Variants in TBCE observed in about 807,000 individuals in gnomAD.
The protein encoded by TBCE is tubulin folding cofactor E, also known as tubulin-specific chaperone E.
A neutral mutation model predicts 77.0 loss-of-function variants in TBCE; 53 were observed. That is an observed-to-expected ratio of 0.69 (90% confidence interval 0.55 to 0.87). TBCE has a LOEUF of 0.87. Ranked by LOEUF, TBCE falls within the 40% of genes least tolerant of loss-of-function variation. The pLI, the probability that TBCE is intolerant of heterozygous loss-of-function variation, is 0.00. For synonymous variants in TBCE, 235 were observed against 241.3 expected (o/e 0.97, Z 0.24); for missense variants, 624 against 622.4 (o/e 1.00, Z -0.03).
intron 15 of TBCE, among the ~76,000 whole-genome samples, chr1:235,444,470 C>T (rs1327481907): frequency 6.6e-6 from 1 of 152,156 alleles, no homozygotes; most frequent in Non-Finnish European, 1.5e-5. Flanking sequence ...CATCTCAGCT[C>T]ACTGCAGGCT....
At chr1:235,378,754 G>C (rs1178660082) in intron 1 of TBCE, among the ~76,000 whole-genome samples, 1 of 152,146 alleles carries the variant, frequency 6.6e-6, no homozygotes, top group African/African-American at 2.4e-5. Flanking sequence ...CCAGTTACTA[G>C]GGAGGCTGTG....
At position 235,438,275 on chromosome 1, in the gene TBCE, C is replaced by T. The variant is rs1253958367; in HGVS notation, c.1117-494C>T. ...ATGAATTAAAAGTGTAGGCCAGGCACGGTGGCTGACACCTGTAATCCCAGC... is the reference window on the plus strand; with the variant it reads ...ATGAATTAAAAGTGTAGGCCAGGCATGGTGGCTGACACCTGTAATCCCAGC... On this transcript the variant is annotated intron_variant, in intron 12 of 16. Coordinates refer to ENST00000642610, the MANE Select transcript of TBCE (RefSeq NM_003193.5). 6.6e-5 allele frequency among the ~76,000 whole-genome samples: 10 copies of T among 152,330 alleles called. No individual in the cohort carries two copies. The South Asian group carries it at 8.3e-4, about 13-fold the overall frequency.
At chr1:235,406,745 TG>T (rs1679456391) in intron 3 of TBCE, among the ~76,000 whole-genome samples, 1 of 151,756 alleles carries the variant, frequency 6.6e-6, no homozygotes, top group Admixed American at 6.6e-5. Flanking sequence ...TTGGCCAGAC[TG>T]GTCTCGAACT....
chr1:235,387,021 A>G (rs1188973381), intron 2 of TBCE, among the ~76,000 whole-genome samples: 1 of 152,264 alleles, frequency 6.6e-6, no homozygotes, highest in Non-Finnish European at 1.5e-5. Flanking sequence ...TCTAACAGAC[A>G]GGACCCTCAG....
intron 3 of TBCE, among the ~76,000 whole-genome samples, chr1:235,404,528 T>A (rs570248921): frequency 1.3e-5 from 2 of 152,190 alleles, no homozygotes; most frequent in African/African-American, 2.4e-5. Context: ...GGTGAGTGAA[T>A]GTGAAGGCTG....
At chr1:235,421,083 C>G (rs1054821162) in intron 5 of TBCE, among the ~76,000 whole-genome samples, 1 of 151,980 alleles carries the variant, frequency 6.6e-6, no homozygotes, top group Admixed American at 6.5e-5. Flanking sequence ...TTCTTTTTTG[C>G]CTGTAAGCAA....
At chr1:235,369,709 C>T (rs1462398113) in intron 1 of TBCE, among the ~76,000 whole-genome samples, 1 of 151,790 alleles carries the variant, frequency 6.6e-6, no homozygotes, top group Non-Finnish European at 1.5e-5. Flanking sequence ...TGTCTGCAAT[C>T]CCAGCTATTA....
intron 9 of TBCE, 46 bp downstream of exon 9, chr1:235,435,886 T>C: frequency 6.6e-7 from 1 of 1,519,520 alleles, no homozygotes; most frequent in Non-Finnish European, 9.1e-7. Context: ...CAGTCAATTC[T>C]TAGTGAAGCA....
chr1:235,385,464 A>G (rs1387728720), intron 2 of TBCE, among the ~76,000 whole-genome samples: 1 of 151,948 alleles, frequency 6.6e-6, no homozygotes, highest in African/African-American at 2.4e-5. Context: ...GTCTCTTTGT[A>G]GGTCACTGAG....
At chr1:235,413,251 G>A (rs1572389344) in intron 3 of TBCE, among the ~76,000 whole-genome samples, 4 of 152,010 alleles carry the variant, frequency 2.6e-5, no homozygotes, top group South Asian at 2.1e-4. Flanking sequence ...TCCTAGCTAC[G>A]TGGGAGGCTG....
intron 8 of TBCE, 84 bp downstream of exon 8, chr1:235,434,364 A>G: frequency 2.4e-6 from 3 of 1,227,786 alleles, no homozygotes. Flanking sequence ...ATCTAACCTT[A>G]ATTTTTAGAA....
At chr1:235,370,941 C>T (rs1019736116) in intron 1 of TBCE, among the ~76,000 whole-genome samples, 2 of 146,378 alleles carry the variant, frequency 1.4e-5, no homozygotes, top group African/African-American at 5.0e-5. Context: ...GGGGTTTCAC[C>T]ATGTTGGTCA....
intron 2 of TBCE, among the ~76,000 whole-genome samples, chr1:235,380,863 G>A (rs938963493): frequency 1.3e-5 from 2 of 152,058 alleles, no homozygotes; most frequent in Non-Finnish European, 2.9e-5. Flanking sequence ...TTGGCTCACC[G>A]CAACCTCTGC....
rs1682733611 is a variant in TBCE, at chr1:235,449,196, G to GAGAC, written c.*436_*439dup. On this transcript the variant is annotated 3_prime_UTR_variant, in exon 17 of 17. Transcript: ENST00000642610. ...TTGGGAAATGTCCCTTAAACTTGGG[G>GAGAC]AGACATCCTCTACTATGTATAACAA... 1 of 243,970 alleles carries GAGAC rather than the reference G, an allele frequency of 4.1e-6. No homozygotes were observed. The highest frequency in any genetic ancestry group is 5.2e-5 in the Admixed American group (1 of 19,164). The allele number at this position is 243,970 out of a possible 1,614,324, so 15.1% of individuals were successfully genotyped here. A position where few individuals can be genotyped will look rare whatever the true frequency, so the allele number is the denominator to read the frequency against.
intron 1 of TBCE, among the ~76,000 whole-genome samples, chr1:235,371,753 A>G (rs1399462277): frequency 4.0e-5 from 6 of 150,564 alleles, no homozygotes; most frequent in East Asian, 2.0e-4. Flanking sequence ...GCTCACTACA[A>G]CCTCCACTTC....
Position 235,438,752 on chromosome 1 carries a change from A to G in TBCE, c.1117-17A>G, listed in dbSNP as rs1681626513. 1 of 1,614,068 alleles carries G rather than the reference A, an allele frequency of 6.2e-7. No individual in the cohort carries two copies. The highest frequency in any genetic ancestry group is 1.3e-5 in the African/African-American group (1 of 74,932). On this transcript the variant is annotated splice_polypyrimidine_tract_variant and intron_variant, in intron 12 of 16. Transcript: ENST00000642610. ...AAAGCTTTGTAATAGGCTTGTTTTT[A>G]TGTCACATGAACATAGATTCTCCCC...
At chr1:235,426,835 G>C (rs1680741324) in intron 5 of TBCE, among the ~76,000 whole-genome samples, 1 of 152,124 alleles carries the variant, frequency 6.6e-6, no homozygotes, top group South Asian at 2.1e-4. Flanking sequence ...TAGTAGAATG[G>C]GGTTTTGCCA....
intron 2 of TBCE, among the ~76,000 whole-genome samples, chr1:235,388,903 C>A (rs992304802): frequency 6.6e-6 from 1 of 152,142 alleles, no homozygotes; most frequent in Non-Finnish European, 1.5e-5. Context: ...GATAGAGTGG[C>A]CTTTCAGAGT....
chr1:235,432,993 A>G, intron 7 of TBCE: 1 of 1,507,192 alleles, frequency 6.6e-7, no homozygotes, highest in East Asian at 2.6e-5. Flanking sequence ...ACATGCAGAA[A>G]GACGCCAGCA....
Sources: gnomAD v4.1 joint callset for allele counts (sites outside exome capture counted in the v4.1 genomes callset) on GRCh38, gnomAD v4.1.1 for gene constraint, MANE v1.5 for transcripts, NCBI Gene and HGNC (gene_info 2026-07-23, HGNC 2026-07-21) for gene names.